DGKB: variants seen among roughly 807,000 people sequenced by gnomAD.
DGKB encodes the protein 90 kDa diacylglycerol kinase.
Under a neutral mutation model 114.3 loss-of-function variants are expected in DGKB, and 67 were observed. The observed-to-expected ratio is 0.59, with a 90% CI of 0.48 to 0.72. The LOEUF (loss-of-function observed/expected upper bound fraction) is 0.72, where lower values mean the gene tolerates loss of function less well. Ranked by LOEUF, DGKB falls within the 30% of genes least tolerant of loss-of-function variation. The probability of loss-of-function intolerance (pLI) is 0.00; values close to 1 mark genes in which losing one functional copy is unlikely to be tolerated. For missense variants in DGKB, 907 were observed against 975.2 expected (o/e 0.93, Z 0.93); for synonymous variants, 398 against 323.1 (o/e 1.23, Z -2.49).
chr7:14,935,125 G>A (rs183659522), intron 1 of DGKB, among the ~76,000 whole-genome samples: 1 of 152,274 alleles, frequency 6.6e-6, no homozygotes, highest in African/African-American at 2.4e-5. Context: ...GTTCTAATGA[G>A]ACCGCAAATG....
chr7:14,451,031 G>T (rs1831405543), intron 21 of DGKB, among the ~76,000 whole-genome samples: 1 of 152,110 alleles, frequency 6.6e-6, no homozygotes, highest in South Asian at 2.1e-4. Flanking sequence ...GATGCCCAGA[G>T]ACCAGGTGGC....
intron 13 of DGKB, among the ~76,000 whole-genome samples, chr7:14,633,463 G>T (rs547835972): frequency 6.6e-5 from 10 of 151,894 alleles, no homozygotes; most frequent in African/African-American, 1.9e-4. Context: ...AATGTGTAAA[G>T]AGTTATATAT....
chr7:14,384,273 A>T (rs1034777755), intron 21 of DGKB, among the ~76,000 whole-genome samples: 2 of 152,238 alleles, frequency 1.3e-5, no homozygotes, highest in African/African-American at 4.8e-5. Flanking sequence ...TTCTGGACCT[A>T]AAATTATTAC....
In DGKB at chr7:14,621,470, C is replaced by T. The variant is rs267601385; in HGVS notation, c.1192G>A (p.Glu398Lys). The change falls in exon 15 of 26, where the codon GAA becomes AAA. Residue 398 changes from glutamate (E) to lysine (K), a missense_variant. Around this residue, in one of 3 missense-constraint regions of DGKB, gnomAD observed 814 missense variants for 856.6 expected, o/e 0.95. Transcript: ENST00000402815. ...TTTGGCTGCTGGGAACCACTCTTTT[C>T]CTTTTTCACTGTTGATTGTCTTTCC... ...PEERQSTVKK[E>K]KSGSQQPNKV... 1 of 1,607,376 alleles carries T rather than the reference C, an allele frequency of 6.2e-7. No individual in the cohort carries two copies. Among genetic ancestry groups the T allele is most frequent in the African/African-American group, 1.3e-5 (1 of 74,862 alleles).
intron 23 of DGKB, among the ~76,000 whole-genome samples, chr7:14,194,849 AAAAT>A (rs1166339136): frequency 1.3e-5 from 2 of 152,238 alleles, no homozygotes; most frequent in East Asian, 3.9e-4. Flanking sequence ...AAACGAGTCT[AAAAT>A]AAGGAAAGAC....
At chr7:14,325,490 T>C (rs778591016) in intron 23 of DGKB, among the ~76,000 whole-genome samples, 43 of 152,308 alleles carry the variant, frequency 2.8e-4, no homozygotes, top group African/African-American at 1.0e-3. Flanking sequence ...GGCATTCTAA[T>C]CATCCCAATA....
intron 9 of DGKB, among the ~76,000 whole-genome samples, chr7:14,687,928 A>T (rs1439492656): frequency 2.0e-5 from 3 of 152,194 alleles, no homozygotes; most frequent in African/African-American, 7.2e-5. Flanking sequence ...GTACAAATCC[A>T]TTACCCAGGC....
chr7:14,337,108 T>C (rs9655113), intron 23 of DGKB, among the ~76,000 whole-genome samples: 18,838 of 152,130 alleles, frequency 0.12, 1,800 homozygotes, highest in East Asian at 0.29. Flanking sequence ...GTCCTTAAGC[T>C]AATTGCAATA....
chr7:14,663,793 G>A (rs1817572237), intron 13 of DGKB, among the ~76,000 whole-genome samples: 1 of 140,150 alleles, frequency 7.1e-6, no homozygotes, highest in Non-Finnish European at 1.6e-5. Context: ...ACTTTTAACT[G>A]GGCTCCCTGG....
intron 20 of DGKB, among the ~76,000 whole-genome samples, chr7:14,538,010 G>A (rs567921390): frequency 1.3e-5 from 2 of 149,830 alleles, no homozygotes; most frequent in South Asian, 4.2e-4. Context: ...AACCTAGAAG[G>A]CGGAGTTTGT....
chr7:14,607,429 CT>C lies in DGKB; in HGVS notation c.1433+4del. ...TAATGGTAATAATATTATCCTTGGA[CT>C]TACCCTGGCATTGGTCCATTTCCAG... On this transcript the variant is annotated splice_donor_region_variant and intron_variant, in intron 17 of 25. Transcript: ENST00000402815. 1.4e-6 allele frequency: 2 copies of C among 1,469,578 alleles called. No homozygotes were observed. The highest frequency in any genetic ancestry group is 1.9e-6 in the Non-Finnish European group (2 of 1,052,798). The allele number at this position is 1,469,578 out of a possible 1,614,324, so 91.0% of individuals were successfully genotyped here. A position where few individuals can be genotyped will look rare whatever the true frequency, so the allele number is the denominator to read the frequency against.
At chr7:14,500,945 A>C (rs1003637973) in intron 20 of DGKB, among the ~76,000 whole-genome samples, 1 of 151,966 alleles carries the variant, frequency 6.6e-6, no homozygotes, top group South Asian at 2.1e-4. Flanking sequence ...GTGTTCAGAC[A>C]TATTCTAGCT....
At chr7:14,638,019 A>G (rs577576071) in intron 13 of DGKB, among the ~76,000 whole-genome samples, 407 of 152,240 alleles carry the variant, frequency 2.7e-3, no homozygotes, top group Non-Finnish European at 4.8e-3. Context: ...TATATTTTAC[A>G]TGGAAAACTA....
rs149620140 is a variant in DGKB, at chr7:14,809,851, T to C, written c.70+31343A>G. ...AAACTACATGTATAAAAGTGAGCAA[T>C]AGGTCCTTTATTCAGCATCCCCTAG... On this transcript the variant is annotated intron_variant, in intron 2 of 25. Coordinates refer to ENST00000402815, the MANE Select transcript of DGKB (RefSeq NM_001350709.2). 1.4e-3 allele frequency among the ~76,000 whole-genome samples: 209 copies of C among 152,256 alleles called. 1 individual carries two copies. Among genetic ancestry groups the C allele is most frequent in the Non-Finnish European group, 2.1e-3 (144 of 67,994 alleles).
chr7:14,168,909 G>A (rs1780385330), intron 25 of DGKB, among the ~76,000 whole-genome samples: 1 of 152,152 alleles, frequency 6.6e-6, no homozygotes, highest in Admixed American at 6.5e-5. Flanking sequence ...TAGTATGTAT[G>A]TATTTATATC....
At chr7:14,274,214 C>T (rs1798667944) in intron 23 of DGKB, among the ~76,000 whole-genome samples, 1 of 152,178 alleles carries the variant, frequency 6.6e-6, no homozygotes, top group South Asian at 2.1e-4. Context: ...CCACATGTTC[C>T]TCTGCTCTTG....
chr7:14,826,196 G>C (rs561836052), intron 2 of DGKB, among the ~76,000 whole-genome samples: 1 of 152,174 alleles, frequency 6.6e-6, no homozygotes, highest in Non-Finnish European at 1.5e-5. Flanking sequence ...AAATGGATTC[G>C]GCCTGGGAGA....
chr7:14,268,302 C>T (rs1363105997), intron 23 of DGKB, among the ~76,000 whole-genome samples: 1 of 152,050 alleles, frequency 6.6e-6, no homozygotes, highest in Non-Finnish European at 1.5e-5. Context: ...TATAAGGATG[C>T]TGTGAGATTC....
At chr7:14,357,542 C>A (rs1456174103) in intron 21 of DGKB, among the ~76,000 whole-genome samples, 1 of 152,112 alleles carries the variant, frequency 6.6e-6, no homozygotes, top group African/African-American at 2.4e-5. Flanking sequence ...GGTCTTGACT[C>A]TTTATCCGAT....
Sources: gnomAD v4.1 joint callset for allele counts (sites outside exome capture counted in the v4.1 genomes callset) on GRCh38, gnomAD v4.1.1 for gene constraint, gnomAD v4.1.1 regional missense constraint, MANE v1.5 for transcripts, NCBI Gene and HGNC (gene_info 2026-07-23, HGNC 2026-07-21) for gene names.